CHEK1: variants seen among roughly 807,000 people sequenced by gnomAD.
CHEK1 encodes checkpoint kinase 1.
A neutral mutation model predicts 60.2 loss-of-function variants in CHEK1; 32 were observed. That is an observed-to-expected ratio of 0.53 (90% CI 0.40 to 0.71). CHEK1 has a LOEUF of 0.71. CHEK1 is among the 30% of genes least tolerant of loss of function. The pLI, the probability that CHEK1 is intolerant of heterozygous loss-of-function variation, is 0.00. For synonymous variants in CHEK1, 179 were observed against 187.2 expected (o/e 0.96, Z 0.36); for missense variants, 399 against 564.6 (o/e 0.71, Z 2.97).
Position 125,633,295 on chromosome 11 carries a change from C to T in CHEK1, c.557C>T (p.Ala186Val), listed in dbSNP as rs2135990204. 1 of 1,606,614 alleles carries T rather than the reference C, an allele frequency of 6.2e-7. No homozygotes were observed. Among genetic ancestry groups the T allele is most frequent in the Non-Finnish European group, 8.5e-7 (1 of 1,177,828 alleles). ...PELLKRREFHAEPVDVWSCGI... is the reference protein window; with the variant it reads ...PELLKRREFHVEPVDVWSCGI... ...CTTCTGAAGAGAAGAGAATTTCATG[C>T]AGAACCAGTTGATGTTTGGTCCTGT... is the stretch of plus-strand genomic sequence containing the variant. Residue 186 changes from alanine to valine, a missense_variant, in exon 6 of 13, where the codon GCA becomes GTA. Ala to Val is a moderately conservative substitution (Grantham distance 64). This residue lies in a region of CHEK1 where 370 missense variants were observed against 494.8 expected (regional missense o/e 0.75). Coordinates refer to ENST00000438015, the MANE Select transcript of CHEK1 (RefSeq NM_001114122.3).
At chr11:125,672,756 C>G in intron 13 of CHEK1, 3 of 1,611,370 alleles carry the variant, frequency 1.9e-6, no homozygotes, top group Non-Finnish European at 2.5e-6. Flanking sequence ...CAGAAAGCTT[C>G]GTCCTCCAAC....
intron 12 of CHEK1, among the ~76,000 whole-genome samples, chr11:125,654,807 T>A (rs1443395824): frequency 6.6e-6 from 1 of 152,228 alleles, no homozygotes; most frequent in Non-Finnish European, 1.5e-5. Context: ...GATCGTAGTA[T>A]AATGAAATTC....
At position 125,672,584 on chromosome 11, in the gene CHEK1, C is replaced by T. The variant is rs1200010776; in HGVS notation, c.*28-3344C>T. On this transcript the variant is annotated intron_variant, in intron 13 of 13. Transcript: ENST00000428830. ...CTGCCTGAGTCAAAACAAGCAAGGG[C>T]CCAGGCTTCTAGATCTTATTGCAGA... 1.9e-6 allele frequency: 3 copies of T among 1,613,490 alleles called. No homozygotes were observed. In the African/African-American group the frequency reaches 4.0e-5, roughly 22 times the overall value.
intron 13 of CHEK1, among the ~76,000 whole-genome samples, chr11:125,674,881 C>A (rs1942414090): frequency 6.6e-6 from 1 of 152,236 alleles, no homozygotes; most frequent in African/African-American, 2.4e-5. Context: ...GTCAACCTTT[C>A]CAAGTTTATC....
At chr11:125,634,917 T>C (rs1941005823) in intron 6 of CHEK1, among the ~76,000 whole-genome samples, 1 of 152,120 alleles carries the variant, frequency 6.6e-6, no homozygotes, top group African/African-American at 2.4e-5. Flanking sequence ...ATGTAAACAT[T>C]TGTGAAAACA....
Position 125,652,473 on chromosome 11 carries a change from T to C in CHEK1, c.1234-1273T>C, listed in dbSNP as rs3731473. 3.3e-4 allele frequency among the ~76,000 whole-genome samples: 50 copies of C among 152,340 alleles called. No homozygotes were observed. The South Asian group carries it at 0.01, about 32-fold the overall frequency. On this transcript the variant is annotated intron_variant, in intron 11 of 12. Transcript: ENST00000438015. ...AATAATCTTGTTTTTCCTCCCATTA[T>C]GTTTTCATCTTTGATTGTTTCTTCT...
downstream of CHEK1, among the ~76,000 whole-genome samples, chr11:125,657,398 T>C (rs1248874980): frequency 6.6e-6 from 1 of 152,130 alleles, no homozygotes; most frequent in African/African-American, 2.4e-5. Context: ...CACAACTCAA[T>C]TGTAGAAAGA....
chr11:125,627,894 G>A lies in CHEK1; in HGVS notation c.289+64G>A, dbSNP rs923499805. On this transcript the variant is annotated intron_variant, in intron 3 of 12. Transcript: ENST00000438015. ...TTTAAATTTGTTTTTTAAATCTTGG[G>A]CATGCTATTTGGTCGTTGTCCTTTC... 8.3e-5 allele frequency: 106 copies of A among 1,275,852 alleles called. No individual in the cohort carries two copies. In the African/African-American group the frequency reaches 1.5e-3, roughly 17 times the overall value. The allele number at this position is 1,275,852 out of a possible 1,614,324, so 79.0% of individuals were successfully genotyped here. A position where few individuals can be genotyped will look rare whatever the true frequency, so the allele number is the denominator to read the frequency against.
chr11:125,636,568 T>C (rs1488462699), intron 7 of CHEK1, among the ~76,000 whole-genome samples: 1 of 152,150 alleles, frequency 6.6e-6, no homozygotes, highest in Non-Finnish European at 1.5e-5. Context: ...GTCTCATCAA[T>C]TTACATTAAG....
rs1163144259 is a variant in CHEK1, at chr11:125,644,237, G to C, written c.1070G>C (p.Ser357Thr). The change falls in exon 10 of 13, where the codon AGT becomes ACT. Residue 357 changes from serine (S) to threonine (T), a missense_variant. By Grantham distance (58) the Ser-to-Thr change is moderately conservative. Coordinates refer to ENST00000438015, the MANE Select transcript of CHEK1 (RefSeq NM_001114122.3). The stretch of plus-strand genomic sequence containing the variant: ...TGTCCTGATCATATGCTTTTGAATA[G>C]TCAGTTACTTGGCACCCCAGGATCC... ...PTCPDHMLLN[S>T]QLLGTPGSSQ... is the part of the protein sequence containing the mutation. The C allele has an allele frequency of 4.3e-6, 7 of 1,613,484 alleles. No individual in the cohort carries two copies. The highest frequency in any genetic ancestry group is 5.9e-6 in the Non-Finnish European group (7 of 1,179,854).
At chr11:125,645,787 C>T (rs912391756) in intron 11 of CHEK1, among the ~76,000 whole-genome samples, 6 of 152,142 alleles carry the variant, frequency 3.9e-5, no homozygotes, top group Admixed American at 1.3e-4. Context: ...ACACACATAT[C>T]TGGTAGATAA....
chr11:125,657,353 T>C (rs1349594149), downstream of CHEK1, among the ~76,000 whole-genome samples: 1 of 152,092 alleles, frequency 6.6e-6, no homozygotes, highest in Non-Finnish European at 1.5e-5. Flanking sequence ...TATGTACACT[T>C]CAATGTGCAG....
chr11:125,669,776 G>A (rs34243765), intron 13 of CHEK1, among the ~76,000 whole-genome samples: 24,635 of 151,534 alleles, frequency 0.16, 2,024 homozygotes, highest in East Asian at 0.2. Flanking sequence ...CACCCGCCTC[G>A]GCCTCCCAAA....
intron 11 of CHEK1, among the ~76,000 whole-genome samples, chr11:125,648,321 G>A (rs1019365279): frequency 7.9e-5 from 12 of 151,962 alleles, no homozygotes; most frequent in African/African-American, 2.2e-4. Flanking sequence ...GGTGGCTCAC[G>A]CCTGTAATCC....
In CHEK1 at chr11:125,625,422, TTCC is replaced by T; in HGVS notation, c.-607_-605del. 1 of 290,808 alleles carries T rather than the reference TTCC, an allele frequency of 3.4e-6. No homozygotes were observed. The highest frequency in any genetic ancestry group is 6.5e-6 in the Non-Finnish European group (1 of 154,666). The allele number at this position is 290,808 out of a possible 1,614,324, so 18.0% of individuals were successfully genotyped here. On this transcript the variant is annotated 5_prime_UTR_variant, in exon 1 of 13. Transcript: ENST00000438015. Reference sequence around the variant, plus strand: ...GAAGCCTCTCGCTCCCAACACGGAGTTCCTCCCATTTCTTCACAGTCGGCTCTC... The same window carrying T: ...GAAGCCTCTCGCTCCCAACACGGAGTTCCCATTTCTTCACAGTCGGCTCTC...
chr11:125,659,291 T>C (rs956771768), downstream of CHEK1, among the ~76,000 whole-genome samples: 2 of 152,132 alleles, frequency 1.3e-5, no homozygotes, highest in Non-Finnish European at 2.9e-5. Flanking sequence ...CTTTTTTTTC[T>C]CTTGCAGTTT....
chr11:125,669,903 C>A (rs1006663575), intron 13 of CHEK1, among the ~76,000 whole-genome samples: 1 of 152,180 alleles, frequency 6.6e-6, no homozygotes, highest in African/African-American at 2.4e-5. Context: ...ATGTTTTTCA[C>A]CCAATTTGGC....
intron 13 of CHEK1, among the ~76,000 whole-genome samples, chr11:125,669,246 C>T (rs553500545): frequency 3.3e-5 from 5 of 152,258 alleles, no homozygotes; most frequent in African/African-American, 1.2e-4. Context: ...ATTCTCTTAG[C>T]TTTGGTTTAT....
chr11:125,627,864 A>G, intron 3 of CHEK1, 34 bp downstream of exon 3: 4 of 1,452,876 alleles, frequency 2.8e-6, no homozygotes, highest in Non-Finnish European at 3.7e-6. Context: ...TATTTTAAAC[A>G]AGTTTTTAAA....
Sources: gnomAD v4.1 joint callset for allele counts (sites outside exome capture counted in the v4.1 genomes callset) on GRCh38, gnomAD v4.1.1 for gene constraint, gnomAD v4.1.1 regional missense constraint, MANE v1.5 for transcripts, NCBI Gene and HGNC (gene_info 2026-07-23, HGNC 2026-07-21) for gene names.